NBN: variants seen among roughly 807,000 people sequenced by gnomAD.
NBN encodes nibrin, also known as Nijmegen breakage syndrome 1 (nibrin).
Under a neutral mutation model 90.8 loss-of-function variants are expected in NBN, and 88 were observed. That is an observed-to-expected ratio of 0.97 (90% CI 0.82 to 1.16). The LOEUF (loss-of-function observed/expected upper bound fraction) is 1.16, where lower values mean the gene tolerates loss of function less well. Among genes scored for constraint, NBN ranks in the 50% most tolerant of loss-of-function variants. The pLI is 0.00. For synonymous variants in NBN, 328 were observed against 295.1 expected, an observed-to-expected ratio of 1.11 and a Z score of -1.14; for missense variants, 894 against 869.6, an observed-to-expected ratio of 1.03 and a Z score of -0.35.
intron 15 of NBN, chr8:89,936,087 C>CAT: frequency 3.6e-6 from 1 of 280,254 alleles, no homozygotes; most frequent in East Asian, 1.2e-4. Flanking sequence ...TCTGTCAACA[C>CAT]TTTTTTTTTT....
At chr8:89,981,714 T>G (rs1812078845) in intron 2 of NBN, 191 bp from the exon 3 acceptor site, 5 of 650,584 alleles carry the variant, frequency 7.7e-6, no homozygotes, top group Non-Finnish European at 1.3e-5. Context: ...TAGGGAAGTT[T>G]CTTAACCCAG....
At chr8:89,974,607 A>G (rs567545611) in intron 5 of NBN, among the ~76,000 whole-genome samples, 1 of 152,186 alleles carries the variant, frequency 6.6e-6, no homozygotes, top group African/African-American at 2.4e-5. Context: ...TCTCTGACCA[A>G]GTCCCATAGG....
chr8:89,967,694 A>T (rs1332508610), intron 7 of NBN, among the ~76,000 whole-genome samples: 1 of 152,138 alleles, frequency 6.6e-6, no homozygotes, highest in East Asian at 1.9e-4. Context: ...CAAGAACAAA[A>T]ATCAGGGCTG....
chr8:89,962,094 C>T (rs1490655429), intron 8 of NBN, among the ~76,000 whole-genome samples: 1 of 152,136 alleles, frequency 6.6e-6, no homozygotes, highest in African/African-American at 2.4e-5. Context: ...TTCATTTCTT[C>T]TCAAGACTAT....
chr8:89,955,006 T>C (rs1810630206), intron 10 of NBN, among the ~76,000 whole-genome samples: 1 of 152,048 alleles, frequency 6.6e-6, no homozygotes, highest in African/African-American at 2.4e-5. Context: ...AGCAGAAATG[T>C]GATTTTAGAG....
chr8:89,945,272 C>CA (rs531006449), intron 13 of NBN, among the ~76,000 whole-genome samples: 4 of 152,070 alleles, frequency 2.6e-5, no homozygotes, highest in Non-Finnish European at 5.9e-5. Flanking sequence ...TGGTGTTAAA[C>CA]AAAAAGGTAT....
Position 89,943,254 on chromosome 8 carries a change from T to C in NBN, c.2183A>G (p.Glu728Gly), listed in dbSNP as rs1060503487. ...TTCTGGGCCTCACTTCCTACTAACC[T>C]CCATTTCCTGCCTTAGCCACTCTTC... Reference protein sequence around the residue: ...ELEEWLRQEMEVQNQHAKEES... With the variant: ...ELEEWLRQEMGVQNQHAKEES... The change falls in exon 14 of 16, where the codon GAG (glutamate) becomes GGG (glycine). Residue 728 changes from glutamate (E) to glycine (G), a missense_variant and splice_region_variant. Glu to Gly is a moderately conservative substitution (Grantham distance 98, BLOSUM62 -2). Transcript: ENST00000265433. The C allele has an allele frequency of 3.7e-6, 6 of 1,613,650 alleles. No homozygotes were observed. The highest frequency in any genetic ancestry group is 5.1e-6 in the Non-Finnish European group (6 of 1,179,728).
intron 14 of NBN, among the ~76,000 whole-genome samples, chr8:89,940,406 A>T (rs1468944725): frequency 6.6e-6 from 1 of 152,122 alleles, no homozygotes; most frequent in Non-Finnish European, 1.5e-5. Context: ...CATGAGCCAC[A>T]CCATTGTGCC....
chr8:89,957,263 G>A (rs1057149838), intron 9 of NBN, among the ~76,000 whole-genome samples: 1 of 152,182 alleles, frequency 6.6e-6, no homozygotes, highest in South Asian at 2.1e-4. Context: ...TCCTAACTCT[G>A]TGCAGGCCTA....
intron 5 of NBN, among the ~76,000 whole-genome samples, chr8:89,977,333 T>C (rs1363078497): frequency 6.6e-6 from 1 of 152,162 alleles, no homozygotes; most frequent in Non-Finnish European, 1.5e-5. Context: ...TGGTTTTCTG[T>C]TCCTGTGTTA....
chr8:89,964,380 A>T lies in NBN; in HGVS notation c.994+30T>A, dbSNP rs199719307. 3 of 1,611,792 alleles carry T rather than the reference A, an allele frequency of 1.9e-6. No homozygotes were observed. The South Asian group carries it at 3.3e-5, about 18-fold the overall frequency. On this transcript the variant is annotated intron_variant, in intron 8 of 15. Coordinates refer to ENST00000265433, the MANE Select transcript of NBN (RefSeq NM_002485.5). The stretch of plus-strand genomic sequence containing the variant: ...TATCGATTTACATAATAAAGTTGCT[A>T]ACGAATCAATAAAATAATGCTTCAA...
Position 89,958,969 on chromosome 8 carries a change from G to A in NBN, c.995-115C>T. ...CTGAGGGGATTAACTAGGGAATACT[G>A]CACATGGTTTTCTCCAATGAGTGGT... On this transcript the variant is annotated intron_variant, in intron 8 of 15. Coordinates refer to ENST00000265433, the MANE Select transcript of NBN (RefSeq NM_002485.5). 3 of 1,365,602 alleles carry A rather than the reference G, an allele frequency of 2.2e-6. No homozygotes were observed. The Admixed American group carries it at 5.3e-5, about 24-fold the overall frequency. The allele number at this position is 1,365,602 out of a possible 1,614,324, so 84.6% of individuals were successfully genotyped here.
intron 15 of NBN, among the ~76,000 whole-genome samples, chr8:89,936,295 T>G (rs542109147): frequency 6.6e-6 from 1 of 152,156 alleles, no homozygotes; most frequent in African/African-American, 2.4e-5. Flanking sequence ...CAGGCTAGTG[T>G]TGAACTCCTG....
intron 11 of NBN, among the ~76,000 whole-genome samples, chr8:89,952,429 A>G (rs761379413): frequency 3.9e-5 from 6 of 152,200 alleles, no homozygotes; most frequent in Non-Finnish European, 7.3e-5. Flanking sequence ...TCCCTTGCCT[A>G]TATGAAGATA....
intron 13 of NBN, among the ~76,000 whole-genome samples, chr8:89,944,604 T>G (rs1180842585): frequency 6.6e-6 from 1 of 152,166 alleles, no homozygotes; most frequent in African/African-American, 2.4e-5. Flanking sequence ...CACTTCCTGG[T>G]GCTGGGGCTC....
chr8:89,950,114 T>C (rs1410390970), intron 11 of NBN, among the ~76,000 whole-genome samples: 5 of 152,172 alleles, frequency 3.3e-5, no homozygotes, highest in African/African-American at 7.2e-5. Context: ...TAACCTTACA[T>C]TGAAAACAGA....
chr8:89,953,661 A>T lies in NBN; in HGVS notation c.1428T>A (p.Ser476=). 1 of 1,612,280 alleles carries T rather than the reference A, an allele frequency of 6.2e-7. No homozygotes were observed. The highest frequency in any genetic ancestry group is 8.5e-7 in the Non-Finnish European group (1 of 1,179,452). The change falls in exon 11 of 16, where the codon TCT becomes TCA. Residue 476 remains serine (S), a synonymous_variant. Transcript: ENST00000265433. Reference sequence around the variant, plus strand: ...TTTCTATTCTTGCTGATTTGCATGAAGACATTTCTTGATTTTCTTCATCCC... The same window carrying T: ...TTTCTATTCTTGCTGATTTGCATGATGACATTTCTTGATTTTCTTCATCCC... ...RERDEENQEM[S]SCKSARIETS...
chr8:89,939,947 T>A (rs1809863295), intron 14 of NBN, among the ~76,000 whole-genome samples: 1 of 152,238 alleles, frequency 6.6e-6, no homozygotes. Context: ...CAGCTCCAGC[T>A]GAGCCTTTCC....
rs2735383 is a variant in NBN at position 89,935,041 on chromosome 8, C to G, written c.*541G>C. 74,409 of 233,322 alleles carry G rather than the reference C, an allele frequency of 0.32. 11,921 individuals carry two copies. The highest frequency in any genetic ancestry group is 0.41 in the East Asian group (6,658 of 16,376). 14.5% of individuals were successfully genotyped at this position (233,322 alleles called of 1,614,324 possible). Reference sequence around the variant, plus strand: ...TTGGATCACCAGAGTTTAGGTAAGACTACAGCATAATGGAAAAGAAAAAAT... The same window carrying G: ...TTGGATCACCAGAGTTTAGGTAAGAGTACAGCATAATGGAAAAGAAAAAAT... On this transcript the variant is annotated 3_prime_UTR_variant, in exon 16 of 16. Transcript: ENST00000265433.
Sources: gnomAD v4.1 joint callset for allele counts (sites outside exome capture counted in the v4.1 genomes callset) on GRCh38, gnomAD v4.1.1 for gene constraint, MANE v1.5 for transcripts, NCBI Gene and HGNC (gene_info 2026-07-23, HGNC 2026-07-21) for gene names.